SH3D19: variants seen among roughly 807,000 people sequenced by gnomAD.
SH3D19 encodes SH3 domain containing 19.
In SH3D19, 58 loss-of-function variants were observed where a neutral mutation model predicts 112.1. The ratio of observed to expected loss-of-function variants is 0.52; its 90% CI spans 0.42 to 0.64. The LOEUF is 0.64. SH3D19 is among the 30% of genes least tolerant of loss of function. SH3D19 has a pLI of 0.00. For synonymous variants in SH3D19, 391 were observed against 448.5 expected, an observed-to-expected ratio of 0.87 and a Z score of 1.62; for missense variants, 1,090 against 1,263.4, an observed-to-expected ratio of 0.86 and a Z score of 2.08.
chr4:151,202,948 T>C (rs1205836133), intron 2 of SH3D19, among the ~76,000 whole-genome samples: 1 of 152,208 alleles, frequency 6.6e-6, no homozygotes, highest in Non-Finnish European at 1.5e-5. Context: ...TGTTTCGGTC[T>C]AAGTTGAACT....
At chr4:151,163,296 A>G (rs1757454593) in intron 8 of SH3D19, among the ~76,000 whole-genome samples, 1 of 152,208 alleles carries the variant, frequency 6.6e-6, no homozygotes, top group Non-Finnish European at 1.5e-5. Flanking sequence ...GAGTCCTGTG[A>G]GTCCTCCTAG....
chr4:151,312,581 G>C (rs566808053), intron 1 of SH3D19, among the ~76,000 whole-genome samples: 3 of 152,158 alleles, frequency 2.0e-5, no homozygotes, highest in African/African-American at 4.8e-5. Flanking sequence ...ACCACCAGCA[G>C]TGGCATCACC....
chr4:151,314,465 T>C (rs944811039), intron 1 of SH3D19, among the ~76,000 whole-genome samples: 7 of 152,074 alleles, frequency 4.6e-5, no homozygotes, highest in Admixed American at 2.0e-4. Flanking sequence ...ATTCCAAAGA[T>C]GTAAAAAAAC....
intron 1 of SH3D19, among the ~76,000 whole-genome samples, chr4:151,283,450 C>A (rs1580402023): frequency 6.7e-6 from 1 of 149,164 alleles, no homozygotes; most frequent in African/African-American, 2.5e-5. Flanking sequence ...TCTGTGAAAT[C>A]AGTTTCTTCA....
At chr4:151,255,407 A>G (rs1455574015) in intron 1 of SH3D19, among the ~76,000 whole-genome samples, 1 of 134,012 alleles carries the variant, frequency 7.5e-6, no homozygotes, top group African/African-American at 2.9e-5. Flanking sequence ...GGGCAGAGGC[A>G]CTCCCCACAT....
intron 2 of SH3D19, among the ~76,000 whole-genome samples, chr4:151,216,326 A>T (rs79743171): frequency 3.9e-5 from 6 of 152,252 alleles, no homozygotes; most frequent in East Asian, 3.9e-4. Flanking sequence ...GTGTTCAATA[A>T]GGGAAAATAT....
At chr4:151,263,080 T>C (rs1772500410) in intron 1 of SH3D19, among the ~76,000 whole-genome samples, 1 of 152,260 alleles carries the variant, frequency 6.6e-6, no homozygotes, top group African/African-American at 2.4e-5. Context: ...GCAGTTCTGC[T>C]GTCCCATAAG....
Position 151,132,385 on chromosome 4 carries a change from T to C in SH3D19, c.2690-2A>G. 1 of 1,613,280 alleles carries C rather than the reference T, an allele frequency of 6.2e-7. No individual in the cohort carries two copies. The highest frequency in any genetic ancestry group is 8.5e-7 in the Non-Finnish European group (1 of 1,179,576). On this transcript the variant is annotated splice_acceptor_variant, in intron 16 of 19. Transcript: ENST00000604030. LOFTEE classifies it high-confidence loss of function. ...TGGTTTTCAGTGGTACCTTTGTGCC[T>C]ACATTAAAAAAACAAACAAACACAA...
At chr4:151,257,260 G>GT (rs1772003047) in intron 1 of SH3D19, among the ~76,000 whole-genome samples, 1 of 151,846 alleles carries the variant, frequency 6.6e-6, no homozygotes, top group East Asian at 1.9e-4. Flanking sequence ...GCTAATTTTT[G>GT]TATTTTTAGT....
chr4:151,212,579 T>C (rs2149910087), intron 2 of SH3D19, among the ~76,000 whole-genome samples: 1 of 152,362 alleles, frequency 6.6e-6, no homozygotes, highest in East Asian at 1.9e-4. Context: ...AGCCCACTCT[T>C]GAGACCTATT....
At chr4:151,274,538 ATAG>A (rs1385892731) in intron 1 of SH3D19, among the ~76,000 whole-genome samples, 1 of 152,248 alleles carries the variant, frequency 6.6e-6, no homozygotes, top group Non-Finnish European at 1.5e-5. Flanking sequence ...TGAGCAGTTT[ATAG>A]TAGGACAGAA....
chr4:151,279,946 A>G lies in SH3D19; in HGVS notation c.112+45295T>C, dbSNP rs1406613629. On this transcript the variant is annotated intron_variant, in intron 1 of 19. Transcript: ENST00000604030. ...GAGAGGTTGATACTGACAGCAGCAC[A>G]CTGCATACAACCGTGAGTTCTAGCT... 3 of 1,613,318 alleles carry G rather than the reference A, an allele frequency of 1.9e-6. No individual in the cohort carries two copies. Among genetic ancestry groups the G allele is most frequent in the Non-Finnish European group, 2.5e-6 (3 of 1,179,848 alleles).
At chr4:151,324,438 C>G (rs549678470) in intron 1 of SH3D19, among the ~76,000 whole-genome samples, 2 of 152,264 alleles carry the variant, frequency 1.3e-5, no homozygotes, top group South Asian at 4.1e-4. Context: ...GTTTGTTCTT[C>G]CCTCTTGTTT....
At chr4:151,224,241 G>A (rs907634197) in intron 2 of SH3D19, among the ~76,000 whole-genome samples, 3 of 152,074 alleles carry the variant, frequency 2.0e-5, no homozygotes, top group Admixed American at 6.6e-5. Context: ...TCCAGGAGGC[G>A]GAGCTTGCAG....
Position 151,133,300 on chromosome 4 carries a change from C to T in SH3D19, c.2487-64G>A, listed in dbSNP as rs909432837. The T allele has an allele frequency of 4.8e-5, 64 of 1,319,830 alleles. No homozygotes were observed. The Admixed American group carries it at 1.1e-3, about 23-fold the overall frequency. The allele number at this position is 1,319,830 out of a possible 1,614,324, so 81.8% of individuals were successfully genotyped here. A position where few individuals can be genotyped will look rare whatever the true frequency, so the allele number is the denominator to read the frequency against. ...TGCTTTTAAAATGCTTAAAAACCTT[C>T]ATTCAGTCTTTCAATAAATATTTAT... is the stretch of plus-strand genomic sequence containing the variant. On this transcript the variant is annotated intron_variant, in intron 15 of 19. Transcript: ENST00000604030.
At chr4:151,189,846 C>T (rs1762365443) in intron 2 of SH3D19, among the ~76,000 whole-genome samples, 1 of 152,096 alleles carries the variant, frequency 6.6e-6, no homozygotes, top group African/African-American at 2.4e-5. Context: ...TGTAGATACC[C>T]CAAAATGTGG....
chr4:151,215,184 AGTGTT>A (rs1766863691), intron 2 of SH3D19, among the ~76,000 whole-genome samples: 1 of 152,224 alleles, frequency 6.6e-6, no homozygotes, highest in Admixed American at 6.5e-5. Flanking sequence ...GGCCTCCCAA[AGTGTT>A]GCGAATACAG....
At chr4:151,202,290 G>C (rs940757036) in intron 2 of SH3D19, among the ~76,000 whole-genome samples, 1 of 152,142 alleles carries the variant, frequency 6.6e-6, no homozygotes, top group African/African-American at 2.4e-5. Context: ...AGCCGAGATC[G>C]CGCCACTGAA....
intron 1 of SH3D19, chr4:151,283,310 T>G: frequency 6.2e-7 from 1 of 1,606,180 alleles, no homozygotes; most frequent in Non-Finnish European, 8.5e-7. Flanking sequence ...CTAGAGAATT[T>G]TTTTTTAAAC....
Sources: allele counts gnomAD v4.1 joint callset (sites outside exome capture counted in the v4.1 genomes callset), GRCh38; gene constraint gnomAD v4.1.1; transcripts MANE v1.5; gene names NCBI Gene and HGNC (gene_info 2026-07-23, HGNC 2026-07-21).